Variants in RPSA2 observed in about 807,000 individuals in gnomAD.
The protein encoded by RPSA2 is small ribosomal subunit protein uS2B.
At chr19:23,839,813 A>G in the RPSA2 span, among the ~76,000 whole-genome samples, 4 of 151,786 alleles carry the variant, frequency 2.6e-5, no homozygotes, top group Non-Finnish European at 5.9e-5. Context: ...CCTGTATTTC[A>G]CTCAGCTTGG....
At chr19:23,834,125 C>CATTG in the RPSA2 span, among the ~76,000 whole-genome samples, 1 of 152,094 alleles carries the variant, frequency 6.6e-6, no homozygotes, top group Admixed American at 6.5e-5. Flanking sequence ...TTAGACACTA[C>CATTG]TGTAAATCAG....
At chr19:23,858,933 G>A in the RPSA2 span, among the ~76,000 whole-genome samples, 123 of 152,292 alleles carry the variant, frequency 8.1e-4, no homozygotes, top group African/African-American at 2.8e-3. Flanking sequence ...TGTAAAATCC[G>A]CTGTGCTTCA....
At chr19:23,787,295 TA>T in the RPSA2 span, among the ~76,000 whole-genome samples, 4 of 152,122 alleles carry the variant, frequency 2.6e-5, no homozygotes, top group African/African-American at 4.8e-5. Context: ...GCCTTGCCTA[TA>T]GGCGGCATTT....
the RPSA2 span, chr19:23,758,952 G>GT: frequency 1.1e-5 from 7 of 644,070 alleles, no homozygotes; most frequent in African/African-American, 3.7e-5. Flanking sequence ...TGATTGGACA[G>GT]TTCCCAGCCC....
At chr19:23,788,209 C>T in the RPSA2 span, among the ~76,000 whole-genome samples, 1 of 151,236 alleles carries the variant, frequency 6.6e-6, no homozygotes, top group African/African-American at 2.4e-5. Flanking sequence ...GCCTTGCCTA[C>T]TGTAGTGATT....
the RPSA2 span, among the ~76,000 whole-genome samples, chr19:23,812,935 A>G: frequency 1.9e-3 from 290 of 152,354 alleles, 1 homozygote; most frequent in Admixed American, 5.4e-3. Flanking sequence ...ATTTAAATAT[A>G]CATGTCACAG....
chr19:23,846,456 AG>A, the RPSA2 span, among the ~76,000 whole-genome samples: 1 of 152,020 alleles, frequency 6.6e-6, no homozygotes, highest in Non-Finnish European at 1.5e-5. Flanking sequence ...TTGTTTTATA[AG>A]GCCTGTTTTA....
the RPSA2 span, among the ~76,000 whole-genome samples, chr19:23,780,038 A>C: frequency 6.6e-6 from 1 of 152,150 alleles, no homozygotes; most frequent in Non-Finnish European, 1.5e-5. Context: ...ATCTCAGCCC[A>C]GCTCACAGGT....
the RPSA2 span, among the ~76,000 whole-genome samples, chr19:23,787,867 C>T: frequency 2.0e-5 from 3 of 152,248 alleles, no homozygotes; most frequent in East Asian, 3.9e-4. Flanking sequence ...CATATTGCTG[C>T]GCCCTGCCCA....
At chr19:23,785,955 C>A in the RPSA2 span, among the ~76,000 whole-genome samples, 1 of 152,160 alleles carries the variant, frequency 6.6e-6, no homozygotes, top group African/African-American at 2.4e-5. Context: ...GTTCAGCACA[C>A]AGGTGAGATT....
At chr19:23,763,730 G>T in the RPSA2 span, among the ~76,000 whole-genome samples, 2 of 152,204 alleles carry the variant, frequency 1.3e-5, no homozygotes, top group Admixed American at 1.3e-4. Context: ...GCCCCCCAAA[G>T]TGCTAAGATT....
chr19:23,792,765 G>A, the RPSA2 span, among the ~76,000 whole-genome samples: 2 of 151,746 alleles, frequency 1.3e-5, no homozygotes, highest in African/African-American at 2.4e-5. Flanking sequence ...TGCCCGCCTC[G>A]GCCTCCCAAA....
chr19:23,827,642 A>T, the RPSA2 span: 2 of 1,595,314 alleles, frequency 1.3e-6, no homozygotes, highest in Non-Finnish European at 1.7e-6. Flanking sequence ...GGACATTGCC[A>T]TCCCATGCAA....
At chr19:23,826,026 C>T in the RPSA2 span, among the ~76,000 whole-genome samples, 5 of 45,122 alleles carry the variant, frequency 1.1e-4, no homozygotes, top group East Asian at 2.9e-3. Context: ...TTGTTTATTT[C>T]TTGTCAAAAA....
the RPSA2 span, among the ~76,000 whole-genome samples, chr19:23,868,176 A>C: frequency 5.3e-5 from 8 of 152,162 alleles, no homozygotes; most frequent in Non-Finnish European, 1.0e-4. Flanking sequence ...GCCATTCCTA[A>C]AAACTGGCCT....
chr19:23,759,522 G>GTTTGTTTT, the RPSA2 span, among the ~76,000 whole-genome samples: 12 of 89,030 alleles, frequency 1.3e-4, no homozygotes, highest in Non-Finnish European at 2.2e-4. Context: ...TATATATCAG[G>GTTTGTTTT]TTTTTTTTTT....
the RPSA2 span, among the ~76,000 whole-genome samples, chr19:23,773,770 CT>C: frequency 6.6e-4 from 101 of 152,284 alleles, no homozygotes; most frequent in African/African-American, 2.1e-3. Context: ...TTCAGCACAC[CT>C]GTGAGTCTGT....
the RPSA2 span, among the ~76,000 whole-genome samples, chr19:23,785,931 A>T: frequency 6.6e-6 from 1 of 152,150 alleles, no homozygotes; most frequent in Non-Finnish European, 1.5e-5. Flanking sequence ...TGGTACAGTG[A>T]GTGTCATTCC....
the RPSA2 span, among the ~76,000 whole-genome samples, chr19:23,801,252 G>GT: frequency 0.48 from 63,699 of 133,732 alleles, 14,357 homozygotes; most frequent in Non-Finnish European, 0.55. Context: ...TTAGGGGAGG[G>GT]TTGGGGGGGA....
Sources: gnomAD v4.1 joint callset for allele counts (sites outside exome capture counted in the v4.1 genomes callset) on GRCh38, gnomAD v4.1.1 for gene constraint, MANE v1.5 for transcripts, NCBI Gene and HGNC (gene_info 2026-07-23, HGNC 2026-07-21) for gene names.